The following SLCO1C1 variants were observed in gnomAD, a reference collection of about 807,000 sequenced individuals.
The protein encoded by SLCO1C1 is solute carrier organic anion transporter family member 1C1, also known as OAT-RP-5.
In SLCO1C1, 70 loss-of-function variants were observed where a neutral mutation model predicts 76.4. The observed-to-expected ratio is 0.92, with a 90% CI of 0.76 to 1.12. The LOEUF is 1.12. Among genes scored for constraint, SLCO1C1 ranks in the 50% most tolerant of loss-of-function variants. SLCO1C1 has a pLI of 0.00. For synonymous variants in SLCO1C1, 306 were observed against 286.1 expected, an observed-to-expected ratio of 1.07 and a Z score of -0.70; for missense variants, 912 against 823.8, an observed-to-expected ratio of 1.11 and a Z score of -1.31.
chr12:20,735,459 C>A (rs531609419), intron 10 of SLCO1C1, among the ~76,000 whole-genome samples: 3 of 152,286 alleles, frequency 2.0e-5, no homozygotes, highest in South Asian at 4.1e-4. Context: ...CCAGCTCCAA[C>A]CTTCTATAAT....
intron 3 of SLCO1C1, among the ~76,000 whole-genome samples, chr12:20,702,455 C>A (rs1946569850): frequency 1.3e-5 from 2 of 151,932 alleles, no homozygotes; most frequent in Admixed American, 1.3e-4. Flanking sequence ...AATGTCCACA[C>A]AAATAACTGG....
chr12:20,705,577 A>G (rs1946732793), intron 3 of SLCO1C1, among the ~76,000 whole-genome samples: 1 of 151,924 alleles, frequency 6.6e-6, no homozygotes, highest in Admixed American at 6.6e-5. Flanking sequence ...GTTTTCACAT[A>G]AATTTTAATG....
intron 1 of SLCO1C1, chr12:20,697,347 A>T (rs1400438959): frequency 6.6e-6 from 1 of 152,068 alleles, no homozygotes; most frequent in Non-Finnish European, 1.5e-5. Context: ...TTTAATAATT[A>T]TCCGTTTCTT....
chr12:20,731,028 C>T (rs2120815722), intron 9 of SLCO1C1, among the ~76,000 whole-genome samples: 3 of 152,200 alleles, frequency 2.0e-5, no homozygotes, highest in Middle Eastern at 6.8e-3. Flanking sequence ...AACCTGGTTG[C>T]CCCCACCCCG....
chr12:20,696,128 A>G (rs947665852), intron 1 of SLCO1C1, among the ~76,000 whole-genome samples: 1 of 152,166 alleles, frequency 6.6e-6, no homozygotes, highest in Admixed American at 6.6e-5. Context: ...GATTAGAAAA[A>G]GTACGTACAT....
At chr12:20,721,575 T>C (rs1287978939) in intron 7 of SLCO1C1, among the ~76,000 whole-genome samples, 6 of 152,158 alleles carry the variant, frequency 3.9e-5, no homozygotes, top group African/African-American at 1.4e-4. Flanking sequence ...AAAAAATTGA[T>C]GTGATTCTGT....
intron 9 of SLCO1C1, among the ~76,000 whole-genome samples, chr12:20,723,839 T>A (rs1020455765): frequency 6.6e-6 from 1 of 152,166 alleles, no homozygotes; most frequent in Non-Finnish European, 1.5e-5. Context: ...CATGAACATG[T>A]CATTTAATGT....
chr12:20,726,279 A>T (rs764991724), intron 9 of SLCO1C1, among the ~76,000 whole-genome samples: 40 of 149,964 alleles, frequency 2.7e-4, no homozygotes, highest in Non-Finnish European at 4.9e-4. Flanking sequence ...GGGCTATGGG[A>T]TAATGATCTT....
chr12:20,732,506 C>A (rs12299576), intron 9 of SLCO1C1, among the ~76,000 whole-genome samples: 3,279 of 152,056 alleles, frequency 0.022, 108 homozygotes, highest in African/African-American at 0.075. Flanking sequence ...TTTGCCAGGG[C>A]GGGAGGCAGA....
chr12:20,698,178 A>C (rs944401314), intron 1 of SLCO1C1, among the ~76,000 whole-genome samples: 1 of 151,958 alleles, frequency 6.6e-6, no homozygotes, highest in Non-Finnish European at 1.5e-5. Flanking sequence ...TTATCTCATT[A>C]ATATTATGTA....
At chr12:20,704,062 T>C (rs187162096) in intron 3 of SLCO1C1, among the ~76,000 whole-genome samples, 1 of 151,350 alleles carries the variant, frequency 6.6e-6, no homozygotes, top group Admixed American at 6.6e-5. Flanking sequence ...TTCTAAAACT[T>C]TCTGTACCTG....
chr12:20,696,175 C>T (rs1030431596), intron 1 of SLCO1C1, among the ~76,000 whole-genome samples: 1 of 152,128 alleles, frequency 6.6e-6, no homozygotes, highest in Non-Finnish European at 1.5e-5. Context: ...AAATCTGAAT[C>T]TGACACAGAT....
intron 12 of SLCO1C1, among the ~76,000 whole-genome samples, chr12:20,742,675 A>G (rs1171122477): frequency 6.7e-6 from 1 of 149,580 alleles, no homozygotes; most frequent in Admixed American, 6.7e-5. Flanking sequence ...CTGGGACTAC[A>G]GGCACCCGCC....
At position 20,743,349 on chromosome 12, in the gene SLCO1C1, C is replaced by G. The variant is rs377551813; in HGVS notation, c.1778C>G (p.Thr593Arg). The G allele has an allele frequency of 3.1e-6, 5 of 1,612,890 alleles. No homozygotes were observed. Among genetic ancestry groups the G allele is most frequent in the Non-Finnish European group, 4.2e-6 (5 of 1,179,320 alleles). Reference protein sequence around the residue: ...QLKSFALGIYTLAIRVLAGIP... With the variant: ...QLKSFALGIYRLAIRVLAGIP... ...AAGTCTTTTGCCTTGGGTATCTACA[C>G]ATTAGCAATAAGAGTTCTTGGTAAG... The change falls in exon 13 of 15, where the codon ACA becomes AGA. Residue 593 changes from threonine to arginine, a missense_variant. Coordinates refer to ENST00000266509, the MANE Select transcript of SLCO1C1 (RefSeq NM_017435.5).
intron 9 of SLCO1C1, among the ~76,000 whole-genome samples, chr12:20,728,066 G>C (rs1948109761): frequency 6.6e-6 from 1 of 152,104 alleles, no homozygotes; most frequent in Non-Finnish European, 1.5e-5. Flanking sequence ...TGCTTTTGAG[G>C]ACAAAGACAT....
intron 5 of SLCO1C1, among the ~76,000 whole-genome samples, chr12:20,713,524 C>G (rs1947232620): frequency 6.6e-6 from 1 of 152,194 alleles, no homozygotes; most frequent in Non-Finnish European, 1.5e-5. Flanking sequence ...CAGAGAATGA[C>G]TCATAACTCA....
chr12:20,734,643 G>A (rs1267000200), intron 10 of SLCO1C1, among the ~76,000 whole-genome samples: 1 of 152,162 alleles, frequency 6.6e-6, no homozygotes, highest in East Asian at 1.9e-4. Context: ...CATTCTTTCT[G>A]CATCATAATT....
chr12:20,706,117 CA>C, intron 4 of SLCO1C1, 36 bp downstream of exon 4: 1 of 1,558,960 alleles, frequency 6.4e-7, no homozygotes, highest in Non-Finnish European at 8.7e-7. Context: ...CTTGCCTTTC[CA>C]AACAACTGCA....
chr12:20,724,441 A>G (rs1352353013), intron 9 of SLCO1C1, among the ~76,000 whole-genome samples: 2 of 108,594 alleles, frequency 1.8e-5, no homozygotes, highest in African/African-American at 8.0e-5. Flanking sequence ...ATATATATAT[A>G]TATATATATA....
Sources: allele counts gnomAD v4.1 joint callset (sites outside exome capture counted in the v4.1 genomes callset), GRCh38; gene constraint gnomAD v4.1.1; transcripts MANE v1.5; gene names NCBI Gene and HGNC (gene_info 2026-07-23, HGNC 2026-07-21).